The following CNBD1 variants were observed in gnomAD, a reference collection of about 807,000 sequenced individuals.
CNBD1 encodes cyclic nucleotide binding domain containing 1.
A neutral mutation model predicts 54.4 loss-of-function variants in CNBD1; 71 were observed. That is an observed-to-expected ratio of 1.30 (90% CI 1.08 to 1.59). The LOEUF (loss-of-function observed/expected upper bound fraction) is 1.59, where lower values mean the gene tolerates loss of function less well. Among genes scored for constraint, CNBD1 ranks in the 40% most tolerant of loss-of-function variants. The pLI is 0.00. For synonymous variants in CNBD1, 182 were observed against 170.7 expected, an observed-to-expected ratio of 1.07 and a Z score of -0.51; for missense variants, 659 against 518.0, an observed-to-expected ratio of 1.27 and a Z score of -2.64.
intron 6 of CNBD1, among the ~76,000 whole-genome samples, chr8:87,277,919 T>A (rs1808517371): frequency 6.6e-6 from 1 of 151,644 alleles, no homozygotes; most frequent in African/African-American, 2.4e-5. Flanking sequence ...AATTTAGATA[T>A]TGGAGTTATT....
intron 8 of CNBD1, among the ~76,000 whole-genome samples, chr8:87,324,816 G>T (rs1809633610): frequency 8.4e-6 from 1 of 118,584 alleles, no homozygotes; most frequent in African/African-American, 3.4e-5. Context: ...GTTCTGCTCG[G>T]ATTTTAGTTA....
chr8:87,329,050 T>A lies in CNBD1; in HGVS notation c.1043-22635T>A, dbSNP rs566274297. 1.8e-4 allele frequency among the ~76,000 whole-genome samples: 28 copies of A among 152,030 alleles called. No individual in the cohort carries two copies. In the East Asian group the frequency reaches 5.0e-3, roughly 27 times the overall value. ...TACTTTTCTCCTAGGAGTTTTATTT[T>A]TTTTTATTTTAAATTTAGGTCTGTT... On this transcript the variant is annotated intron_variant, in intron 8 of 10. Coordinates refer to ENST00000518476, the MANE Select transcript of CNBD1 (RefSeq NM_173538.3).
chr8:87,267,810 A>G (rs1165349329), intron 6 of CNBD1, among the ~76,000 whole-genome samples: 1 of 134,300 alleles, frequency 7.4e-6, no homozygotes, highest in Non-Finnish European at 1.7e-5. Flanking sequence ...TTTTCAATGG[A>G]TATATGATTA....
At chr8:87,237,489 T>C (rs1807608048) in intron 6 of CNBD1, among the ~76,000 whole-genome samples, 1 of 151,554 alleles carries the variant, frequency 6.6e-6, no homozygotes, top group Admixed American at 6.6e-5. Context: ...CAAGAATGTA[T>C]GTTTATTATG....
rs1396496954 is a variant in CNBD1 at position 86,924,598 on chromosome 8, A to AT, written c.273-14997dup. Among the ~76,000 whole-genome samples the AT allele has an allele frequency of 3.9e-5, 6 of 152,274 alleles. No individual in the cohort carries two copies. The East Asian group carries it at 1.2e-3, about 29-fold the overall frequency. The stretch of plus-strand genomic sequence containing the variant: ...GGAGCTGAGACAGTGAAGACAATGA[A>AT]TATTTTTTTGCCTGACAGGAGTTCA... On this transcript the variant is annotated intron_variant, in intron 3 of 10. Transcript: ENST00000518476.
chr8:87,191,968 A>G (rs1423695602), intron 4 of CNBD1, among the ~76,000 whole-genome samples: 1 of 152,222 alleles, frequency 6.6e-6, no homozygotes, highest in Admixed American at 6.5e-5. Flanking sequence ...CTAAAAATTT[A>G]TATAACATTA....
Position 87,112,353 on chromosome 8 carries a change from T to C in CNBD1, c.432-93640T>C, listed in dbSNP as rs550322246. Among the ~76,000 whole-genome samples, 65 of 152,328 alleles carry C rather than the reference T, an allele frequency of 4.3e-4. No homozygotes were observed. The South Asian group carries it at 0.013, about 32-fold the overall frequency. ...ATCTAATAAGGCCTTGATTTTGTCA[T>C]GTGAGCATTGTCTAAGCTGTGAATC... On this transcript the variant is annotated intron_variant, in intron 4 of 10. Coordinates refer to ENST00000518476, the MANE Select transcript of CNBD1 (RefSeq NM_173538.3).
At chr8:87,264,627 C>A (rs373026237) in intron 6 of CNBD1, among the ~76,000 whole-genome samples, 2 of 152,014 alleles carry the variant, frequency 1.3e-5, no homozygotes, top group African/African-American at 4.8e-5. Flanking sequence ...AGTGTAAAAG[C>A]GTTCCTATTT....
intron 4 of CNBD1, among the ~76,000 whole-genome samples, chr8:87,144,173 G>C (rs940651413): frequency 6.6e-6 from 1 of 152,200 alleles, no homozygotes; most frequent in African/African-American, 2.4e-5. Flanking sequence ...TTGGAACCTT[G>C]AAGGGACAAA....
intron 6 of CNBD1, among the ~76,000 whole-genome samples, chr8:87,250,539 A>G (rs1807894451): frequency 6.6e-6 from 1 of 152,230 alleles, no homozygotes; most frequent in Admixed American, 6.5e-5. Context: ...TTATTGCAGC[A>G]CTATTCACAA....
At chr8:87,351,521 A>G (rs565901949) in intron 8 of CNBD1, among the ~76,000 whole-genome samples, 164 bp from the exon 9 acceptor site, 1 of 152,302 alleles carries the variant, frequency 6.6e-6, no homozygotes, top group South Asian at 2.1e-4. Context: ...ACTGGGCGTA[A>G]TCTTTTACAT....
intron 4 of CNBD1, among the ~76,000 whole-genome samples, chr8:86,956,549 C>T (rs1006169636): frequency 3.9e-5 from 6 of 152,100 alleles, no homozygotes; most frequent in Non-Finnish European, 8.8e-5. Flanking sequence ...TCCTTCATAT[C>T]CCTTGTAAGT....
chr8:87,312,554 C>G (rs540070843), intron 8 of CNBD1, among the ~76,000 whole-genome samples: 23 of 152,122 alleles, frequency 1.5e-4, no homozygotes, highest in Admixed American at 9.8e-4. Flanking sequence ...TAAGACTCTG[C>G]TAGAGACAAT....
chr8:87,224,719 G>T lies in CNBD1; in HGVS notation c.578-12200G>T, dbSNP rs996099502. Among the ~76,000 whole-genome samples the T allele has an allele frequency of 1.5e-4, 23 of 151,446 alleles. 1 individual carries two copies. Among genetic ancestry groups the T allele is most frequent in the African/African-American group, 4.6e-4 (19 of 41,074 alleles). ...TCTTTTGGCTCAGGATTGACTTGGC[G>T]ATGCGGGCTCTTTTTTGGTTCCATA... On this transcript the variant is annotated intron_variant, in intron 5 of 10. Coordinates refer to ENST00000518476, the MANE Select transcript of CNBD1 (RefSeq NM_173538.3).
chr8:86,939,711 G>A lies in CNBD1; in HGVS notation c.388G>A (p.Ala130Thr), dbSNP rs542142070. The A allele has an allele frequency of 4.4e-6, 7 of 1,585,272 alleles. No individual in the cohort carries two copies. The highest frequency in any genetic ancestry group is 1.7e-4 in the Middle Eastern group (1 of 5,946). ...CCATATTTTATATAGACCAAAAAGA[G>A]CCACAGAGAAATTTGAAGAATTCCT... Reference protein sequence around the residue: ...GGHILYRPKRATEKFEEFLAI... With the variant: ...GGHILYRPKRTTEKFEEFLAI... The change falls in exon 4 of 11, where the codon GCC becomes ACC. Residue 130 changes from alanine (A) to threonine (T), a missense_variant. Transcript: ENST00000518476.
chr8:87,341,341 G>A (rs1228808865), intron 8 of CNBD1, among the ~76,000 whole-genome samples: 1 of 152,048 alleles, frequency 6.6e-6, no homozygotes, highest in African/African-American at 2.4e-5. Flanking sequence ...TCCTCTGGCA[G>A]CTCCTGTCTT....
intron 8 of CNBD1, among the ~76,000 whole-genome samples, chr8:87,338,711 T>C (rs183756457): frequency 6.6e-6 from 1 of 152,228 alleles, no homozygotes; most frequent in East Asian, 1.9e-4. Context: ...TGCAGCTATC[T>C]TGTTTGGTGT....
chr8:87,217,573 CT>C (rs35123267), intron 5 of CNBD1, among the ~76,000 whole-genome samples: 56,293 of 144,806 alleles, frequency 0.39, 10,979 homozygotes, highest in Admixed American at 0.43. Context: ...TTTTATTAAG[CT>C]TTTTTTTTTT....
intron 4 of CNBD1, among the ~76,000 whole-genome samples, chr8:86,982,781 C>CA (rs1157001264): frequency 1.3e-5 from 2 of 152,050 alleles, no homozygotes; most frequent in Non-Finnish European, 2.9e-5. Flanking sequence ...TCCCCTCTGT[C>CA]TATGTAAGTA....
Sources: gnomAD v4.1 joint callset for allele counts (sites outside exome capture counted in the v4.1 genomes callset) on GRCh38, gnomAD v4.1.1 for gene constraint, MANE v1.5 for transcripts, NCBI Gene and HGNC (gene_info 2026-07-23, HGNC 2026-07-21) for gene names.